The following ZNF227 variants were observed in gnomAD, a reference collection of about 807,000 sequenced individuals.
ZNF227 encodes the protein zinc finger protein 227.
A neutral mutation model predicts 13.2 loss-of-function variants in ZNF227; 12 were observed. The ratio of observed to expected loss-of-function variants is 0.91; its 90% confidence interval spans 0.58 to 1.47. The LOEUF is 1.47. ZNF227 is among the 40% of genes most tolerant of loss of function. The probability of loss-of-function intolerance (pLI) is 0.00; values close to 1 mark genes in which losing one functional copy is unlikely to be tolerated. For missense variants in ZNF227, 885 were observed against 967.5 expected, an observed-to-expected ratio of 0.91 and a Z score of 1.13; for synonymous variants, 338 against 326.0, an observed-to-expected ratio of 1.04 and a Z score of -0.40.
At chr19:44,215,923 G>A (rs1971828260) in intron 2 of ZNF227, among the ~76,000 whole-genome samples, 1 of 146,924 alleles carries the variant, frequency 6.8e-6, no homozygotes, top group Non-Finnish European at 1.5e-5. Flanking sequence ...GGGAGGCAGA[G>A]GTTGCAGTGA....
chr19:44,210,769 C>G (rs192209864), upstream of ZNF227, among the ~76,000 whole-genome samples: 277 of 152,306 alleles, frequency 1.8e-3, 3 homozygotes, highest in Admixed American at 0.018. Context: ...AGCATTTGAA[C>G]CTTCTCTTAA....
chr19:44,221,480 T>C (rs987530170), intron 3 of ZNF227, among the ~76,000 whole-genome samples: 1 of 152,208 alleles, frequency 6.6e-6, no homozygotes, highest in Non-Finnish European at 1.5e-5. Flanking sequence ...GGTATCTCAT[T>C]GTGGTTTTGA....
intron 5 of ZNF227, among the ~76,000 whole-genome samples, chr19:44,230,161 A>G (rs1469290863): frequency 6.6e-6 from 1 of 152,040 alleles, no homozygotes; most frequent in Non-Finnish European, 1.5e-5. Context: ...GACTATAGGT[A>G]TATATCATGA....
Position 44,235,407 on chromosome 19 carries a change from G to A in ZNF227, c.977G>A (p.Cys326Tyr). 1.2e-6 allele frequency: 2 copies of A among 1,614,146 alleles called. No homozygotes were observed. The highest frequency in any genetic ancestry group is 1.7e-6 in the Non-Finnish European group (2 of 1,180,030). ...SNHTGEKSYRCDSCGKGFSSS... is the reference protein window; with the variant it reads ...SNHTGEKSYRYDSCGKGFSSS... ...CATACAGGAGAGAAGTCTTATAGAT[G>A]CGACAGTTGCGGCAAGGGATTCAGT... is the stretch of plus-strand genomic sequence containing the variant. Residue 326 changes from cysteine to tyrosine, a missense_variant, in exon 6 of 6, where the codon TGC becomes TAC. Cys to Tyr is a radical substitution (Grantham distance 194, BLOSUM62 -2). Coordinates refer to ENST00000313040, the MANE Select transcript of ZNF227 (RefSeq NM_182490.3).
chr19:44,235,894 A>C lies in ZNF227; in HGVS notation c.1464A>C (p.Gly488=). ...ATATTCATTTCAGAGTTCACACGGG[A>C]GAGAAACCCTATAAATGTAAGGAGT... ...DLHIHFRVHT[G]EKPYKCKECG... is the part of the protein sequence containing the mutation. The change falls in exon 6 of 6, where the codon GGA becomes GGC. Residue 488 remains glycine, a synonymous_variant. Transcript: ENST00000313040. The C allele has an allele frequency of 6.2e-7, 1 of 1,613,938 alleles. No homozygotes were observed. The highest frequency in any genetic ancestry group is 1.1e-5 in the South Asian group (1 of 91,076).
chr19:44,225,743 G>A (rs973395783), intron 3 of ZNF227, among the ~76,000 whole-genome samples: 29 of 152,026 alleles, frequency 1.9e-4, no homozygotes, highest in African/African-American at 3.9e-4. Flanking sequence ...TAGTTTGATC[G>A]TCTGAAGCCT....
At chr19:44,224,859 G>C (rs558008334) in intron 3 of ZNF227, among the ~76,000 whole-genome samples, 1 of 152,304 alleles carries the variant, frequency 6.6e-6, no homozygotes, top group African/African-American at 2.4e-5. Flanking sequence ...TTTCTTCCTA[G>C]CCTTGATGGT....
intron 5 of ZNF227, among the ~76,000 whole-genome samples, chr19:44,234,474 A>G (rs1230484905): frequency 6.6e-6 from 1 of 152,176 alleles, no homozygotes; most frequent in East Asian, 1.9e-4. Flanking sequence ...TTACGGTTCT[A>G]CATGGATCAT....
chr19:44,226,230 A>G (rs1024648614), intron 3 of ZNF227, among the ~76,000 whole-genome samples: 3 of 152,302 alleles, frequency 2.0e-5, no homozygotes, highest in Non-Finnish European at 2.9e-5. Context: ...TTGGAGGTCA[A>G]GGACCCACTT....
chr19:44,235,282 G>GT lies in ZNF227; in HGVS notation c.852_853insT (p.Arg285SerfsTer14), dbSNP rs1278438934. On this transcript the variant is annotated frameshift_variant, in exon 6 of 6. Coordinates refer to ENST00000313040, the MANE Select transcript of ZNF227 (RefSeq NM_182490.3). LOFTEE classifies it low-confidence loss of function (END_TRUNC). ...AATGCTTCAGTCAAAGCTCACATCT[G>GT]CGAACTCATCAGAGAATTCACCCAG... The GT allele has an allele frequency of 1.3e-5, 21 of 1,613,962 alleles. No homozygotes were observed. The highest frequency in any genetic ancestry group is 8.0e-5 in the African/African-American group (6 of 74,900).
intron 3 of ZNF227, among the ~76,000 whole-genome samples, chr19:44,221,673 G>A (rs1037765810): frequency 6.6e-6 from 1 of 152,186 alleles, no homozygotes; most frequent in Non-Finnish European, 1.5e-5. Flanking sequence ...CCCTTTGTCA[G>A]ATGAGTAGGT....
chr19:44,230,943 A>G (rs1390253991), intron 5 of ZNF227, among the ~76,000 whole-genome samples: 1 of 135,400 alleles, frequency 7.4e-6, no homozygotes, highest in African/African-American at 3.0e-5. Context: ...ATATATATAT[A>G]TATATATATA....
chr19:44,229,895 C>A, intron 5 of ZNF227, 79 bp downstream of exon 5: 2 of 977,668 alleles, frequency 2.0e-6, no homozygotes, highest in East Asian at 5.8e-5. Flanking sequence ...CATGACCTCC[C>A]TGGTCTGAGT....
At chr19:44,226,800 G>C (rs1973214997) in intron 3 of ZNF227, among the ~76,000 whole-genome samples, 1 of 152,116 alleles carries the variant, frequency 6.6e-6, no homozygotes, top group South Asian at 2.1e-4. Flanking sequence ...CCCACTGTCT[G>C]GCACTCCCTA....
chr19:44,212,391 T>TTTCC (rs1555787739), upstream of ZNF227: 1 of 140,812 alleles, frequency 7.1e-6, no homozygotes, highest in African/African-American at 3.0e-5. Flanking sequence ...TTTTTTTTTT[T>TTTCC]CAAGCGCGAA....
intron 3 of ZNF227, among the ~76,000 whole-genome samples, chr19:44,226,026 C>T (rs556064398): frequency 2.6e-5 from 4 of 152,296 alleles, no homozygotes; most frequent in African/African-American, 9.6e-5. Flanking sequence ...TGCTAGAGGT[C>T]CACTCCAGAC....
At chr19:44,231,135 G>A (rs1371851197) in intron 5 of ZNF227, among the ~76,000 whole-genome samples, 6 of 148,984 alleles carry the variant, frequency 4.0e-5, no homozygotes, top group Non-Finnish European at 7.4e-5. Flanking sequence ...TTTTGAGACC[G>A]AGTCTTGCTT....
intron 3 of ZNF227, among the ~76,000 whole-genome samples, chr19:44,226,636 A>G (rs1300499813): frequency 6.6e-6 from 1 of 152,182 alleles, no homozygotes; most frequent in East Asian, 1.9e-4. Context: ...AAAGCGCAGT[A>G]TTAGGGTGGG....
chr19:44,227,634 G>C (rs184811686), intron 3 of ZNF227, among the ~76,000 whole-genome samples: 78 of 152,278 alleles, frequency 5.1e-4, no homozygotes, highest in African/African-American at 1.7e-3. Flanking sequence ...TCACTGCACC[G>C]TCAAACTCCT....
Sources: allele counts gnomAD v4.1 joint callset (sites outside exome capture counted in the v4.1 genomes callset), GRCh38; gene constraint gnomAD v4.1.1; transcripts MANE v1.5; gene names NCBI Gene and HGNC (gene_info 2026-07-23, HGNC 2026-07-21).